TMEM108: variants seen among roughly 807,000 people sequenced by gnomAD.
TMEM108 encodes transmembrane protein 108.
Under a neutral mutation model 35.1 loss-of-function variants are expected in TMEM108, and 12 were observed. The ratio of observed to expected loss-of-function variants is 0.34; its 90% CI spans 0.22 to 0.55. The LOEUF (loss-of-function observed/expected upper bound fraction) is 0.55, where lower values mean the gene tolerates loss of function less well. Ranked by LOEUF, TMEM108 falls within the 20% of genes least tolerant of loss-of-function variation. The pLI, the probability that TMEM108 is intolerant of heterozygous loss-of-function variation, is 0.89. For synonymous variants in TMEM108, 287 were observed against 308.6 expected, an observed-to-expected ratio of 0.93 and a Z score of 0.73; for missense variants, 680 against 753.3, an observed-to-expected ratio of 0.90 and a Z score of 1.14.
At chr3:133,267,308 A>G (rs891049118) in intron 3 of TMEM108, among the ~76,000 whole-genome samples, 4 of 152,204 alleles carry the variant, frequency 2.6e-5, no homozygotes, top group Non-Finnish European at 4.4e-5. Flanking sequence ...TACACATTAT[A>G]GCAAATACAA....
chr3:133,355,151 G>A (rs2072124414), intron 3 of TMEM108, among the ~76,000 whole-genome samples: 1 of 152,316 alleles, frequency 6.6e-6, no homozygotes. Flanking sequence ...CACAGCATTT[G>A]TGAATGGTTA....
At chr3:133,111,059 G>A (rs1326994647) in intron 2 of TMEM108, among the ~76,000 whole-genome samples, 2 of 152,168 alleles carry the variant, frequency 1.3e-5, no homozygotes, top group African/African-American at 2.4e-5. Context: ...GGGTATGGGG[G>A]CCATAGATGT....
chr3:133,351,378 C>T (rs1576485578), intron 3 of TMEM108, among the ~76,000 whole-genome samples: 3 of 152,274 alleles, frequency 2.0e-5, no homozygotes, highest in Non-Finnish European at 4.4e-5. Context: ...CTCCCACCGG[C>T]TCCTTCCTCT....
chr3:133,275,800 A>G (rs1946830883), intron 3 of TMEM108, among the ~76,000 whole-genome samples: 1 of 152,202 alleles, frequency 6.6e-6, no homozygotes, highest in South Asian at 2.1e-4. Flanking sequence ...ATTGCTGCCA[A>G]GTGAGTAACA....
chr3:133,054,776 G>A (rs1370433307), intron 2 of TMEM108, among the ~76,000 whole-genome samples: 1 of 152,216 alleles, frequency 6.6e-6, no homozygotes, highest in Non-Finnish European at 1.5e-5. Flanking sequence ...ACAGCTGTGA[G>A]TGGAGTGACC....
chr3:133,389,525 A>C (rs2073201300), intron 4 of TMEM108: 1 of 396,348 alleles, frequency 2.5e-6, no homozygotes, highest in Non-Finnish European at 3.4e-6. Context: ...CTCTACTAAA[A>C]ATACAAAAAT....
At chr3:133,188,730 C>T (rs1391395998) in intron 2 of TMEM108, among the ~76,000 whole-genome samples, 1 of 152,028 alleles carries the variant, frequency 6.6e-6, no homozygotes, top group Non-Finnish European at 1.5e-5. Context: ...ATGCTAGTTG[C>T]TTTAATAAAA....
At chr3:133,353,818 C>T (rs1028303131) in intron 3 of TMEM108, among the ~76,000 whole-genome samples, 4 of 152,196 alleles carry the variant, frequency 2.6e-5, no homozygotes, top group Admixed American at 2.6e-4. Flanking sequence ...TTTCAGAAAA[C>T]GAACAGTGTG....
At chr3:133,322,559 CA>C (rs952235252) in intron 3 of TMEM108, among the ~76,000 whole-genome samples, 208 of 152,166 alleles carry the variant, frequency 1.4e-3, no homozygotes, top group African/African-American at 4.7e-3. Flanking sequence ...AATCCAGGAC[CA>C]GACGGATTCA....
chr3:133,268,718 C>T (rs758312327), intron 3 of TMEM108, among the ~76,000 whole-genome samples: 1 of 152,142 alleles, frequency 6.6e-6, no homozygotes. Flanking sequence ...CTTCTCTGCT[C>T]TAAACTTTAC....
chr3:133,340,593 C>T (rs2071633279), intron 3 of TMEM108, among the ~76,000 whole-genome samples: 1 of 151,264 alleles, frequency 6.6e-6, no homozygotes, highest in Non-Finnish European at 1.5e-5. Flanking sequence ...ATACCAAAAC[C>T]AGACAGAGAC....
chr3:133,115,396 G>A (rs1403813914), intron 2 of TMEM108, among the ~76,000 whole-genome samples: 3 of 152,132 alleles, frequency 2.0e-5, no homozygotes, highest in Non-Finnish European at 2.9e-5. Context: ...CATGGATTAC[G>A]TGGAACTATT....
intron 2 of TMEM108, among the ~76,000 whole-genome samples, chr3:133,135,163 T>A (rs1944547494): frequency 6.6e-6 from 1 of 152,104 alleles, no homozygotes; most frequent in African/African-American, 2.4e-5. Flanking sequence ...TATCGTTTTT[T>A]TTTTTTTCTT....
At chr3:133,320,073 G>A (rs570011134) in intron 3 of TMEM108, among the ~76,000 whole-genome samples, 20 of 152,272 alleles carry the variant, frequency 1.3e-4, no homozygotes, top group African/African-American at 4.8e-4. Context: ...TTCAAGACCA[G>A]CCTGGGCAAC....
At chr3:133,073,510 C>CTCTCTCTCTCTATATATATATA in intron 2 of TMEM108, among the ~76,000 whole-genome samples, 38 of 43,872 alleles carry the variant, frequency 8.7e-4, no homozygotes, top group Admixed American at 1.4e-3. Context: ...CTCTCTCTCT[C>CTCTCTCTCTCTATATATATATA]TATATATATA....
chr3:133,251,328 C>T (rs895265303), intron 3 of TMEM108, among the ~76,000 whole-genome samples: 3 of 152,038 alleles, frequency 2.0e-5, no homozygotes, highest in East Asian at 1.9e-4. Flanking sequence ...TTGTTATGGA[C>T]ATTTATTAAG....
chr3:133,143,802 G>A (rs868050345), intron 2 of TMEM108, among the ~76,000 whole-genome samples: 4 of 151,940 alleles, frequency 2.6e-5, no homozygotes, highest in East Asian at 1.9e-4. Flanking sequence ...CTGGTGTCTC[G>A]CCAGCCCCAG....
chr3:133,068,513 T>C (rs780052520), intron 2 of TMEM108, among the ~76,000 whole-genome samples: 1 of 152,028 alleles, frequency 6.6e-6, no homozygotes, highest in Non-Finnish European at 1.5e-5. Context: ...TACCACCTCC[T>C]AGTCAGGGTA....
chr3:133,336,079 CACT>C (rs2071493700), intron 3 of TMEM108, among the ~76,000 whole-genome samples: 1 of 152,200 alleles, frequency 6.6e-6, no homozygotes, highest in South Asian at 2.1e-4. Flanking sequence ...CAAGCTGCAC[CACT>C]GAGGGCTAAA....
Sources: allele counts gnomAD v4.1 joint callset (sites outside exome capture counted in the v4.1 genomes callset), GRCh38; gene constraint gnomAD v4.1.1; transcripts MANE v1.5; gene names NCBI Gene and HGNC (gene_info 2026-07-23, HGNC 2026-07-21).